The following SNTG1 variants were observed in gnomAD, a reference collection of about 807,000 sequenced individuals.
SNTG1 encodes syntrophin gamma 1.
Under a neutral mutation model 74.7 loss-of-function variants are expected in SNTG1, and 39 were observed. That is an observed-to-expected ratio of 0.52 (90% confidence interval 0.40 to 0.68). The LOEUF (loss-of-function observed/expected upper bound fraction) is 0.68, where lower values mean the gene tolerates loss of function less well. Among genes scored for constraint, SNTG1 ranks in the 30% least tolerant of loss-of-function variants. The pLI, the probability that SNTG1 is intolerant of heterozygous loss-of-function variation, is 0.00. For missense variants in SNTG1, 685 were observed against 609.5 expected (o/e 1.12, Z -1.30); for synonymous variants, 254 against 217.1 (o/e 1.17, Z -1.49).
At chr8:50,651,838 G>A (rs1470329987) in intron 13 of SNTG1, among the ~76,000 whole-genome samples, 1 of 151,552 alleles carries the variant, frequency 6.6e-6, no homozygotes. Context: ...GGAGTGCAAT[G>A]GCATGATCTC....
chr8:50,613,281 C>G (rs2094863896), intron 13 of SNTG1, among the ~76,000 whole-genome samples: 1 of 152,018 alleles, frequency 6.6e-6, no homozygotes, highest in Non-Finnish European at 1.5e-5. Context: ...TCAAAATTTC[C>G]TGAGTTTAGG....
At chr8:50,454,759 T>C (rs1230316517) in intron 8 of SNTG1, among the ~76,000 whole-genome samples, 5 of 145,572 alleles carry the variant, frequency 3.4e-5, no homozygotes, top group African/African-American at 5.0e-5. Context: ...GCAGAATTGT[T>C]TGAACCCAGG....
intron 18 of SNTG1, among the ~76,000 whole-genome samples, chr8:50,792,077 T>C (rs886069050): frequency 6.8e-6 from 1 of 146,116 alleles, no homozygotes; most frequent in South Asian, 2.1e-4. Context: ...TGAGCTCTAG[T>C]TTATTTTTTT....
At chr8:50,727,849 G>A (rs1361591043) in intron 17 of SNTG1, among the ~76,000 whole-genome samples, 1 of 152,180 alleles carries the variant, frequency 6.6e-6, no homozygotes, top group East Asian at 1.9e-4. Context: ...ATTTAGCAGA[G>A]TTATTGCATG....
At chr8:50,347,259 T>C (rs772683707) in intron 2 of SNTG1, among the ~76,000 whole-genome samples, 3 of 152,244 alleles carry the variant, frequency 2.0e-5, no homozygotes, top group Non-Finnish European at 4.4e-5. Flanking sequence ...CTCTTAAGAA[T>C]CATGCTAAGT....
rs200788323 is a variant in SNTG1, at chr8:50,530,270, C to T, written c.549+11C>T. 308 of 1,611,992 alleles carry T rather than the reference C, an allele frequency of 1.9e-4. 2 individuals are homozygous for T. In the East Asian group the frequency reaches 6.6e-3, roughly 34 times the overall value. On this transcript the variant is annotated intron_variant, in intron 10 of 18. Coordinates refer to ENST00000642720, the MANE Select transcript of SNTG1 (RefSeq NM_018967.5). The stretch of plus-strand genomic sequence containing the variant: ...CATCCCAACAATACAGTAAGATGAC[C>T]CAGGCATAGCTCAGATTAATAAGGA...
intron 12 of SNTG1, among the ~76,000 whole-genome samples, chr8:50,576,397 T>C (rs1208512632): frequency 3.9e-5 from 6 of 152,140 alleles, no homozygotes; most frequent in Non-Finnish European, 7.4e-5. Context: ...AATCAAGAAA[T>C]ACGTGTTCTC....
At chr8:50,267,997 T>C (rs1246982031) in intron 2 of SNTG1, among the ~76,000 whole-genome samples, 1 of 152,178 alleles carries the variant, frequency 6.6e-6, no homozygotes, top group African/African-American at 2.4e-5. Context: ...AATGACGTTT[T>C]TGACTATATA....
At chr8:50,285,484 G>A (rs1186526250) in intron 2 of SNTG1, among the ~76,000 whole-genome samples, 2 of 152,064 alleles carry the variant, frequency 1.3e-5, no homozygotes, top group African/African-American at 4.8e-5. Flanking sequence ...TAACAAAAAA[G>A]AGCAACTCCT....
At position 50,211,235 on chromosome 8, in the gene SNTG1, A is replaced by G. The variant is rs553728917; in HGVS notation, c.-28+38600A>G. ...GAAACATGGAAATTTATTGTTTAGT[A>G]CTATCAAGAGTATATTAAAAGGTCT... On this transcript the variant is annotated intron_variant, in intron 2 of 18. Transcript: ENST00000642720. 2.0e-4 allele frequency among the ~76,000 whole-genome samples: 30 copies of G among 152,258 alleles called. No individual in the cohort carries two copies. In the Middle Eastern group the frequency reaches 0.01, roughly 52 times the overall value.
intron 1 of SNTG1, among the ~76,000 whole-genome samples, chr8:49,920,465 G>A (rs1404325700): frequency 1.3e-5 from 2 of 151,958 alleles, no homozygotes; most frequent in Admixed American, 6.6e-5. Flanking sequence ...CTATTCATAA[G>A]TGGTTTAGGA....
intron 8 of SNTG1, among the ~76,000 whole-genome samples, chr8:50,464,596 A>T (rs1179043361): frequency 6.6e-6 from 1 of 152,024 alleles, no homozygotes; most frequent in Non-Finnish European, 1.5e-5. Flanking sequence ...CACCCTATAA[A>T]TAATTATAAT....
At chr8:50,525,211 C>T (rs2094210381) in intron 9 of SNTG1, among the ~76,000 whole-genome samples, 1 of 152,144 alleles carries the variant, frequency 6.6e-6, no homozygotes. Flanking sequence ...CCACTCCTTT[C>T]TCCCTATAAT....
At chr8:50,489,476 T>C (rs1276411968) in intron 8 of SNTG1, among the ~76,000 whole-genome samples, 4 of 152,214 alleles carry the variant, frequency 2.6e-5, no homozygotes, top group African/African-American at 9.6e-5. Context: ...TTCTAACTGG[T>C]GTGAGATGAT....
chr8:50,537,605 A>T (rs915445156), intron 11 of SNTG1, among the ~76,000 whole-genome samples: 1 of 152,022 alleles, frequency 6.6e-6, no homozygotes, highest in Non-Finnish European at 1.5e-5. Flanking sequence ...CTTAACTTGT[A>T]TGTATACTTT....
At chr8:50,776,537 AT>A (rs2095641415) in intron 18 of SNTG1, among the ~76,000 whole-genome samples, 1 of 148,178 alleles carries the variant, frequency 6.7e-6, no homozygotes, top group African/African-American at 2.4e-5. Context: ...ATTTTATACT[AT>A]TCTTTATATA....
intron 18 of SNTG1, 35 bp downstream of exon 18, chr8:50,752,146 A>G: frequency 4.2e-6 from 5 of 1,203,224 alleles, no homozygotes; most frequent in Non-Finnish European, 5.7e-6. Context: ...AACACCTCTA[A>G]CTACATTAAT....
chr8:50,665,281 G>A (rs1056110807), intron 15 of SNTG1, among the ~76,000 whole-genome samples: 1 of 152,000 alleles, frequency 6.6e-6, no homozygotes, highest in Non-Finnish European at 1.5e-5. Flanking sequence ...AGGTGAAATA[G>A]GAGCCTTATT....
At position 50,337,437 on chromosome 8, in the gene SNTG1, A is replaced by G. The variant is rs6992882; in HGVS notation, c.-27-56775A>G. Among the ~76,000 whole-genome samples, 13 of 152,344 alleles carry G rather than the reference A, an allele frequency of 8.5e-5. 1 individual carries two copies. Among genetic ancestry groups the G allele is most frequent in the African/African-American group, 3.1e-4 (13 of 41,574 alleles). ...GAGTTTTACCTCCAGGAGACTCACC[A>G]GGTTATCACTGTAACAATCTGAGAA... On this transcript the variant is annotated intron_variant, in intron 2 of 18. Transcript: ENST00000642720.
Sources: gnomAD v4.1 joint callset for allele counts (sites outside exome capture counted in the v4.1 genomes callset) on GRCh38, gnomAD v4.1.1 for gene constraint, MANE v1.5 for transcripts, NCBI Gene and HGNC (gene_info 2026-07-23, HGNC 2026-07-21) for gene names.